Variants in NBPF15 observed in about 807,000 individuals in gnomAD.
NBPF15 encodes the protein NBPF family member NBPF15.
Under a neutral mutation model 62.2 loss-of-function variants are expected in NBPF15, and 74 were observed. That is an observed-to-expected ratio of 1.19 (90% CI 0.99 to 1.44). The LOEUF is 1.44. Ranked by LOEUF, NBPF15 falls within the 40% of genes most tolerant of loss-of-function variation. The pLI, the probability that NBPF15 is intolerant of heterozygous loss-of-function variation, is 0.00. For missense variants in NBPF15, 790 were observed against 550.0 expected (o/e 1.44, Z -4.36); for synonymous variants, 244 against 209.7 (o/e 1.16, Z -1.41).
intron 6 of NBPF15, among the ~76,000 whole-genome samples, chr1:144,441,325 C>T (rs1682778853): frequency 1.3e-5 from 2 of 151,758 alleles, no homozygotes; most frequent in Admixed American, 1.3e-4. Context: ...CTCTACATTC[C>T]CACACACTTA....
At chr1:144,432,538 A>G (rs1675154277) in intron 13 of NBPF15, among the ~76,000 whole-genome samples, 1 of 151,962 alleles carries the variant, frequency 6.6e-6, no homozygotes, top group South Asian at 2.1e-4. Flanking sequence ...GTCAAGACCC[A>G]TCAGTGTGCT....
intron 10 of NBPF15, among the ~76,000 whole-genome samples, chr1:144,436,402 G>A (rs1345164042): frequency 1.3e-5 from 2 of 151,876 alleles, no homozygotes; most frequent in South Asian, 2.1e-4. Context: ...CACGGTGAGG[G>A]CCTTCATCTC....
intron 6 of NBPF15, among the ~76,000 whole-genome samples, chr1:144,445,853 CTTTTTTTT>C (rs1229682742): frequency 1.9e-5 from 2 of 105,410 alleles, no homozygotes; most frequent in African/African-American, 7.6e-5. Context: ...GTTGACTTTC[CTTTTTTTT>C]TTTTTTTTTT....
Position 144,439,999 on chromosome 1 carries a change from A to G in NBPF15, c.5T>C (p.Val2Ala). 1 of 1,607,768 alleles carries G rather than the reference A, an allele frequency of 6.2e-7. No homozygotes were observed. Among genetic ancestry groups the G allele is most frequent in the Non-Finnish European group, 8.5e-7 (1 of 1,176,002 alleles). Residue 2 changes from valine (V) to alanine (A), a missense_variant, in exon 8 of 22, where the codon GTG becomes GCG. Val to Ala is a moderately conservative substitution (Grantham distance 64, BLOSUM62 0). Transcript: ENST00000581897. ...GCTGGACAAAGGGCCGGCTGATACC[A>G]CCATGCTGACGTTTGTGGCAGAAGA... M[V>A]VSAGPLSSEK...
Position 144,422,716 on chromosome 1 carries a change from A to C in NBPF15, c.*297T>G, listed in dbSNP as rs1571098605. 1 of 581,256 alleles carries C rather than the reference A, an allele frequency of 1.7e-6. No homozygotes were observed. Among genetic ancestry groups the C allele is most frequent in the East Asian group, 3.2e-5 (1 of 31,542 alleles). The allele number at this position is 581,256 out of a possible 1,614,324, so 36.0% of individuals were successfully genotyped here. On this transcript the variant is annotated 3_prime_UTR_variant, in exon 22 of 22. Transcript: ENST00000581897. Reference sequence around the variant, plus strand: ...AGCTCAGAGACATGCCTGCAAAATGAAATCCCTGAGGAATTTTGTAGCTAC... The same window carrying C: ...AGCTCAGAGACATGCCTGCAAAATGCAATCCCTGAGGAATTTTGTAGCTAC...
chr1:144,442,021 G>C (rs1553542755), intron 6 of NBPF15, among the ~76,000 whole-genome samples: 2 of 146,680 alleles, frequency 1.4e-5, no homozygotes, highest in South Asian at 2.1e-4. Context: ...TGGGGTGAGG[G>C]CTGGGGGAGG....
chr1:144,440,271 T>G lies in NBPF15; in HGVS notation c.-166A>C. On this transcript the variant is annotated 5_prime_UTR_variant, in exon 7 of 22. Coordinates refer to ENST00000581897, the MANE Select transcript of NBPF15 (RefSeq NM_001385408.1). ...AGACTCTGATAAGAGTGAGGTAGAT[T>G]GTGGCCAGCGTGCCAGGTAACCGTC... The G allele has an allele frequency of 6.7e-7, 1 of 1,500,936 alleles. No individual in the cohort carries two copies. The highest frequency in any genetic ancestry group is 8.9e-7 in the Non-Finnish European group (1 of 1,120,948). The allele number at this position is 1,500,936 out of a possible 1,614,324, so 93.0% of individuals were successfully genotyped here.
intron 9 of NBPF15, among the ~76,000 whole-genome samples, chr1:144,437,368 T>A (rs1190589662): frequency 6.6e-6 from 1 of 150,482 alleles, no homozygotes; most frequent in Non-Finnish European, 1.5e-5. Flanking sequence ...GTAGGTGTCT[T>A]CCTAATTCCG....
At chr1:144,423,766 C>T (rs1553538740) in intron 21 of NBPF15, 104 bp downstream of exon 21, 1 of 709,076 alleles carries the variant, frequency 1.4e-6, no homozygotes, top group Non-Finnish European at 2.5e-6. Context: ...AGGAGTAATT[C>T]AGCCTTCGTT....
rs61812414 is a variant in NBPF15, at chr1:144,436,360, C to T, written c.494-507G>A. 1.1e-4 allele frequency among the ~76,000 whole-genome samples: 16 copies of T among 151,942 alleles called. 1 individual carries two copies. Among genetic ancestry groups the T allele is most frequent in the East Asian group, 3.9e-4 (2 of 5,192 alleles). ...GTCTGAAGCACTTCCTACCACAAAA[C>T]GCCCCCACATAAAGTGCCTTCTCCA... On this transcript the variant is annotated intron_variant, in intron 10 of 21. Coordinates refer to ENST00000581897, the MANE Select transcript of NBPF15 (RefSeq NM_001385408.1).
intron 3 of NBPF15, among the ~76,000 whole-genome samples, chr1:144,457,364 G>A: frequency 6.6e-6 from 1 of 152,030 alleles, no homozygotes; most frequent in East Asian, 1.9e-4. Flanking sequence ...CTGTCTCGCT[G>A]AGCTTTCGCT....
chr1:144,454,940 C>T (rs1394467183), intron 4 of NBPF15, among the ~76,000 whole-genome samples: 1 of 150,996 alleles, frequency 6.6e-6, no homozygotes, highest in Non-Finnish European at 1.5e-5. Context: ...GAAGCAGCTC[C>T]AGAGGTTTTG....
At chr1:144,442,193 G>A (rs9438301) in intron 6 of NBPF15, among the ~76,000 whole-genome samples, 1 of 95,440 alleles carries the variant, frequency 1.0e-5, no homozygotes, top group African/African-American at 4.9e-5. Context: ...ATATATACAC[G>A]TGTATATATA....
At chr1:144,423,632 G>C (rs1215590905) in intron 21 of NBPF15, among the ~76,000 whole-genome samples, 4 of 152,062 alleles carry the variant, frequency 2.6e-5, no homozygotes, top group Admixed American at 2.6e-4. Flanking sequence ...AAAATTTGAT[G>C]CAGTGGCCAT....
Position 144,425,625 on chromosome 1 carries a change from C to G in NBPF15, c.1439-57G>C, listed in dbSNP as rs1465484020. ...TAAGCCAATTCACCTACACCCATAA[C>G]AGTCCACTGTCTAATCCCCACACAG... On this transcript the variant is annotated intron_variant, in intron 18 of 21. Coordinates refer to ENST00000581897, the MANE Select transcript of NBPF15 (RefSeq NM_001385408.1). 1.5e-5 allele frequency: 8 copies of G among 536,548 alleles called. 1 individual carries two copies. The highest frequency in any genetic ancestry group is 1.1e-4 in the Admixed American group (3 of 28,090). 33.2% of individuals were successfully genotyped at this position (536,548 alleles called of 1,614,324 possible). A position where few individuals can be genotyped will look rare whatever the true frequency, so the allele number is the denominator to read the frequency against.
At chr1:144,431,569 T>C (rs1477094141) in intron 13 of NBPF15, among the ~76,000 whole-genome samples, 2 of 147,696 alleles carry the variant, frequency 1.4e-5, no homozygotes, top group Non-Finnish European at 3.0e-5. Flanking sequence ...TGTATACATG[T>C]CCACATTGGT....
chr1:144,427,066 G>C lies in NBPF15; in HGVS notation c.1246C>G (p.Gln416Glu), dbSNP rs1211593323. 7.2e-3 allele frequency: 5,030 copies of C among 702,658 alleles called. 218 individuals are homozygous for C. The African/African-American group carries it at 0.087, about 12-fold the overall frequency. The allele number at this position is 702,658 out of a possible 1,614,324, so 43.5% of individuals were successfully genotyped here. The change falls in exon 17 of 22, where the codon CAA (glutamine) becomes GAA (glutamate). Residue 416 changes from glutamine (Q) to glutamate (E), a missense_variant. Physicochemically the swap from Gln to Glu is conservative, Grantham distance 29 (BLOSUM62 2). Transcript: ENST00000581897. Reference sequence around the variant, plus strand: ...AGTTACCTGGGGCATGATGGGTCTTGGTCTTCTTCCACTTCTTGGTACTTT... The same window carrying C: ...AGTTACCTGGGGCATGATGGGTCTTCGTCTTCTTCCACTTCTTGGTACTTT... ...IEKYQEVEED[Q>E]DPSCPRLSRE...
chr1:144,442,668 AC>A (rs1450047215), intron 6 of NBPF15: 1 of 156,050 alleles, frequency 6.4e-6, no homozygotes, highest in African/African-American at 2.4e-5. Context: ...ACAAGGACCC[AC>A]CTTCCATCTG....
At chr1:144,444,436 G>C (rs1685808015) in intron 6 of NBPF15, among the ~76,000 whole-genome samples, 1 of 151,742 alleles carries the variant, frequency 6.6e-6, no homozygotes, top group Non-Finnish European at 1.5e-5. Context: ...GGGGTCTGAA[G>C]AAACTCCCCA....
Sources: gnomAD v4.1 joint callset for allele counts (sites outside exome capture counted in the v4.1 genomes callset) on GRCh38, gnomAD v4.1.1 for gene constraint, MANE v1.5 for transcripts, NCBI Gene and HGNC (gene_info 2026-07-23, HGNC 2026-07-21) for gene names.